Variants in GLE1 observed in about 807,000 individuals in gnomAD.
GLE1 encodes the protein mRNA export factor GLE1.
In GLE1, 78 loss-of-function variants were observed where a neutral mutation model predicts 97.3. The observed-to-expected ratio is 0.80, with a 90% CI of 0.67 to 0.97. The LOEUF (loss-of-function observed/expected upper bound fraction) is 0.97. Among genes scored for constraint, GLE1 ranks in the 50% least tolerant of loss-of-function variants. The probability of loss-of-function intolerance (pLI) is 0.00; values close to 1 mark genes in which losing one functional copy is unlikely to be tolerated. For synonymous variants in GLE1, 302 were observed against 313.4 expected, an observed-to-expected ratio of 0.96 and a Z score of 0.39; for missense variants, 753 against 857.5, an observed-to-expected ratio of 0.88 and a Z score of 1.52.
intron 2 of GLE1, among the ~76,000 whole-genome samples, chr9:128,514,880 G>A (rs963124766): frequency 1.3e-5 from 2 of 151,812 alleles, no homozygotes; most frequent in Non-Finnish European, 2.9e-5. Flanking sequence ...GCAGTGGCGC[G>A]ATCTCAGCTC....
intron 9 of GLE1, 69 bp from the exon 10 acceptor site, chr9:128,533,444 A>G: frequency 8.8e-7 from 1 of 1,134,490 alleles, no homozygotes; most frequent in Non-Finnish European, 1.3e-6. Context: ...AAAAAAAAAA[A>G]AAAAAAAAGG....
At chr9:128,524,065 C>A (rs913146085) in intron 6 of GLE1, among the ~76,000 whole-genome samples, 1 of 129,470 alleles carries the variant, frequency 7.7e-6, no homozygotes, top group African/African-American at 2.9e-5. Context: ...CCTGCTTATT[C>A]TGGAGTCTTT....
chr9:128,526,347 T>TCA (rs1847300022), intron 7 of GLE1, among the ~76,000 whole-genome samples: 1 of 150,856 alleles, frequency 6.6e-6, no homozygotes, highest in Non-Finnish European at 1.5e-5. Flanking sequence ...TTTTTTGGTG[T>TCA]GTTTTGTTTT....
chr9:128,516,596 G>A (rs1846995049), intron 3 of GLE1, among the ~76,000 whole-genome samples: 1 of 152,102 alleles, frequency 6.6e-6, no homozygotes, highest in African/African-American at 2.4e-5. Flanking sequence ...TGGGATTACA[G>A]GCATGAGCCA....
At chr9:128,526,680 T>C (rs1320794733) in intron 7 of GLE1, among the ~76,000 whole-genome samples, 1 of 152,014 alleles carries the variant, frequency 6.6e-6, no homozygotes, top group Non-Finnish European at 1.5e-5. Flanking sequence ...TTGTTTTTTT[T>C]TTGAGATAGG....
At chr9:128,523,139 C>G (rs747771999) in intron 4 of GLE1, 141 bp from the exon 5 acceptor site, 51 of 761,826 alleles carry the variant, frequency 6.7e-5, no homozygotes, top group Middle Eastern at 2.4e-4. Flanking sequence ...TGCTCTGCAG[C>G]CTGGGCAACA....
chr9:128,536,040 A>G (rs1847698211), intron 11 of GLE1, among the ~76,000 whole-genome samples: 1 of 151,636 alleles, frequency 6.6e-6, no homozygotes, highest in Non-Finnish European at 1.5e-5. Context: ...ATTTTTTCTT[A>G]TTTCTTTTTT....
At chr9:128,536,709 G>C in intron 12 of GLE1, 3 of 483,850 alleles carry the variant, frequency 6.2e-6, no homozygotes, top group South Asian at 6.1e-5. Flanking sequence ...GAGTCTACCA[G>C]AGGAGAGTCT....
Position 128,515,525 on chromosome 9 carries a change from A to G in GLE1, c.322-4A>G, listed in dbSNP as rs528472377. On this transcript the variant is annotated splice_polypyrimidine_tract_variant and splice_region_variant and intron_variant, in intron 2 of 15. Coordinates refer to ENST00000309971, the MANE Select transcript of GLE1 (RefSeq NM_001003722.2). ...AATTATTTTTCCATTTTCTGCTCAT[A>G]TAGGGCAAAGATGAGTCCCAGCACA... 4.6e-6 allele frequency: 7 copies of G among 1,515,904 alleles called. No homozygotes were observed. In the Admixed American group the frequency reaches 5.0e-5, roughly 11 times the overall value. 93.9% of individuals were successfully genotyped at this position (1,515,904 alleles called of 1,614,324 possible). A position where few individuals can be genotyped will look rare whatever the true frequency, so the allele number is the denominator to read the frequency against.
intron 1 of GLE1, among the ~76,000 whole-genome samples, chr9:128,506,992 A>T (rs981750263): frequency 6.6e-6 from 1 of 152,158 alleles, no homozygotes; most frequent in African/African-American, 2.4e-5. Context: ...TTATTATATC[A>T]TAGGTAATCA....
rs1429188870 is a variant in GLE1, at chr9:128,542,132, C to T, written c.*962C>T. The stretch of plus-strand genomic sequence containing the variant: ...CTCTTTGATACTGCAGAGGCAGTGG[C>T]CATGGATCTGTTCCTCTGTGCTAAA... On this transcript the variant is annotated 3_prime_UTR_variant, in exon 16 of 16. Coordinates refer to ENST00000309971, the MANE Select transcript of GLE1 (RefSeq NM_001003722.2). The T allele has an allele frequency of 6.6e-6, 1 of 152,172 alleles. No individual in the cohort carries two copies. The highest frequency in any genetic ancestry group is 2.4e-5 in the African/African-American group (1 of 41,436). The allele number at this position is 152,172 out of a possible 1,614,324, so 9.4% of individuals were successfully genotyped here.
chr9:128,520,636 C>T (rs1350226269), intron 3 of GLE1, among the ~76,000 whole-genome samples: 3 of 151,730 alleles, frequency 2.0e-5, no homozygotes, highest in Non-Finnish European at 2.9e-5. Context: ...CTCTGCAGTT[C>T]GGCTGGTAGA....
chr9:128,529,724 C>G (rs1192218398), intron 9 of GLE1, among the ~76,000 whole-genome samples: 1 of 151,996 alleles, frequency 6.6e-6, no homozygotes, highest in Non-Finnish European at 1.5e-5. Context: ...CTCTCTCTCC[C>G]CTTTGTGGGT....
At chr9:128,539,544 G>T (rs778331882) in intron 13 of GLE1, 72 bp from the exon 14 acceptor site, 1 of 1,264,954 alleles carries the variant, frequency 7.9e-7, no homozygotes, top group Non-Finnish European at 1.2e-6. Flanking sequence ...AGGGCTGATT[G>T]TGCTTTATGA....
At chr9:128,536,932 A>G (rs1847729075) in intron 12 of GLE1, 1 of 182,348 alleles carries the variant, frequency 5.5e-6, no homozygotes, top group African/African-American at 2.4e-5. Context: ...TTAGAAGGAC[A>G]GAGAAATTAA....
chr9:128,523,557 C>T, intron 5 of GLE1, 35 bp from the exon 6 acceptor site: 1 of 1,612,468 alleles, frequency 6.2e-7, no homozygotes, highest in Non-Finnish European at 8.5e-7. Flanking sequence ...GCCCAGGAAC[C>T]CCTCAGAGAG....
At position 128,541,895 on chromosome 9, in the gene GLE1, TTTTG is replaced by T. The variant is rs1847891177; in HGVS notation, c.*729_*732del. On this transcript the variant is annotated 3_prime_UTR_variant, in exon 16 of 16. Coordinates refer to ENST00000309971, the MANE Select transcript of GLE1 (RefSeq NM_001003722.2). Reference sequence around the variant, plus strand: ...AGGTACCTTTTTTGTTTTTGTTTTGTTTTGTTTCTTTTCTGTTTGAATTAAGATG... The same window carrying T: ...AGGTACCTTTTTTGTTTTTGTTTTGTTTTCTTTTCTGTTTGAATTAAGATG... 6.6e-6 allele frequency: 1 copy of T among 152,228 alleles called. No homozygotes were observed. Among genetic ancestry groups the T allele is most frequent in the African/African-American group, 2.4e-5 (1 of 41,420 alleles). The allele number at this position is 152,228 out of a possible 1,614,324, so 9.4% of individuals were successfully genotyped here. A position where few individuals can be genotyped will look rare whatever the true frequency, so the allele number is the denominator to read the frequency against.
chr9:128,526,167 G>T (rs1847295309), intron 7 of GLE1, among the ~76,000 whole-genome samples: 1 of 145,198 alleles, frequency 6.9e-6, no homozygotes, highest in South Asian at 2.2e-4. Context: ...GATTACAGGT[G>T]CCTGCCACTG....
intron 15 of GLE1, chr9:128,540,703 T>C (rs1367093833): frequency 2.8e-6 from 1 of 360,404 alleles, no homozygotes. Context: ...AACTGCACTT[T>C]CAGTTGGACT....
Sources: gnomAD v4.1 joint callset for allele counts (sites outside exome capture counted in the v4.1 genomes callset) on GRCh38, gnomAD v4.1.1 for gene constraint, MANE v1.5 for transcripts, NCBI Gene and HGNC (gene_info 2026-07-23, HGNC 2026-07-21) for gene names.